The following CAPN8 variants were observed in gnomAD, a reference collection of about 807,000 sequenced individuals.
CAPN8 encodes the protein calpain 8, also known as calpain-8.
CAPN8 carries 87 observed loss-of-function variants against 80.9 expected under a neutral mutation model. The observed-to-expected ratio is 1.07, with a 90% CI of 0.90 to 1.28. The LOEUF is 1.28. CAPN8 is among the 50% of genes most tolerant of loss of function. The pLI is 0.00. For synonymous variants in CAPN8, 299 were observed against 273.8 expected, an observed-to-expected ratio of 1.09 and a Z score of -0.91; for missense variants, 757 against 702.0, an observed-to-expected ratio of 1.08 and a Z score of -0.89.
chr1:223,545,230 C>G lies in CAPN8; in HGVS notation c.1833+1G>C. Reference sequence around the variant, plus strand: ...GATGCCCAGAAGGAAAAGAGAGTTACCAGATACTTCTGAATCTTCAGCCAG... The same window carrying G: ...GATGCCCAGAAGGAAAAGAGAGTTAGCAGATACTTCTGAATCTTCAGCCAG... On this transcript the variant is annotated splice_donor_variant, in intron 17 of 20. Transcript: ENST00000366872. LOFTEE classifies it high-confidence loss of function. The G allele has an allele frequency of 4.5e-6, 7 of 1,551,654 alleles. No individual in the cohort carries two copies. The South Asian group carries it at 8.3e-5, about 18-fold the overall frequency.
At chr1:223,645,153 G>A (rs1001323033) in intron 2 of CAPN8, among the ~76,000 whole-genome samples, 1 of 152,112 alleles carries the variant, frequency 6.6e-6, no homozygotes, top group African/African-American at 2.4e-5. Context: ...TGAAGAACTT[G>A]GTGTCTGATG....
chr1:223,624,006 AAAAAAAG>A (rs1469557751), intron 6 of CAPN8, among the ~76,000 whole-genome samples: 2 of 150,568 alleles, frequency 1.3e-5, no homozygotes, highest in Admixed American at 6.6e-5. Context: ...CTGAAAAAAA[AAAAAAAG>A]AAAAAAGAAA....
At chr1:223,632,629 C>A (rs1256139625) in intron 2 of CAPN8, among the ~76,000 whole-genome samples, 1 of 152,212 alleles carries the variant, frequency 6.6e-6, no homozygotes, top group Non-Finnish European at 1.5e-5. Flanking sequence ...CTTGGCCTCT[C>A]TAAGTGCTGG....
chr1:223,620,286 A>G lies in CAPN8; in HGVS notation c.900-20T>C. ...GGTGCACTGAGGGGAAAACAAGCAG[A>G]GATGCTCGCTCCTGAGAGGTTCTAC... On this transcript the variant is annotated intron_variant, in intron 7 of 20. Coordinates refer to ENST00000366872, the MANE Select transcript of CAPN8 (RefSeq NM_001143962.2). The G allele has an allele frequency of 6.5e-7, 1 of 1,549,190 alleles. No individual in the cohort carries two copies. Among genetic ancestry groups the G allele is most frequent in the Non-Finnish European group, 8.7e-7 (1 of 1,144,782 alleles).
intron 1 of CAPN8, among the ~76,000 whole-genome samples, chr1:223,656,681 G>GTTT (rs1216588980): frequency 3.5e-5 from 3 of 85,032 alleles, no homozygotes; most frequent in Admixed American, 2.8e-4. Context: ...TTTTTGTTTT[G>GTTT]TTTTTTTTTT....
At chr1:223,663,036 T>C (rs1658691474) in intron 1 of CAPN8, among the ~76,000 whole-genome samples, 1 of 152,252 alleles carries the variant, frequency 6.6e-6, no homozygotes, top group East Asian at 1.9e-4. Context: ...GACACGCATT[T>C]ATTTACTCAA....
intron 15 of CAPN8, 136 bp from the exon 16 acceptor site, chr1:223,549,518 G>C (rs1656727164): frequency 6.7e-6 from 9 of 1,347,054 alleles, no homozygotes; most frequent in Non-Finnish European, 8.2e-6. Context: ...AAAGGGGAGA[G>C]CATCATGGCA....
rs79488899 is a variant in CAPN8, at chr1:223,664,549, G to A, written c.237+861C>T. 6.4e-3 allele frequency among the ~76,000 whole-genome samples: 976 copies of A among 152,238 alleles called. 40 individuals are homozygous for A. In the East Asian group the frequency reaches 0.1, roughly 16 times the overall value. ...AAAACTAAGGTTCACAGAGTTTACC[G>A]GCCCAAAACAACACAGGCAGAGCTA... On this transcript the variant is annotated intron_variant, in intron 1 of 20. Transcript: ENST00000366872.
chr1:223,609,708 C>T (rs1656985930), intron 11 of CAPN8, among the ~76,000 whole-genome samples: 1 of 152,224 alleles, frequency 6.6e-6, no homozygotes, highest in Non-Finnish European at 1.5e-5. Context: ...TTTCATTCTG[C>T]AGCTGTCTCT....
intron 10 of CAPN8, 157 bp downstream of exon 10, chr1:223,615,813 C>T (rs1572231875): frequency 4.6e-6 from 4 of 864,292 alleles, no homozygotes; most frequent in Non-Finnish European, 7.5e-6. Context: ...GAATTCAGGC[C>T]TCAGTAAGGC....
intron 2 of CAPN8, among the ~76,000 whole-genome samples, chr1:223,629,893 C>T (rs1657723482): frequency 6.6e-6 from 1 of 152,108 alleles, no homozygotes; most frequent in African/African-American, 2.4e-5. Flanking sequence ...TGCATCTTAG[C>T]CTTTATCTTT....
At chr1:223,631,877 A>C (rs2102717899) in intron 2 of CAPN8, among the ~76,000 whole-genome samples, 1 of 152,260 alleles carries the variant, frequency 6.6e-6, no homozygotes, top group South Asian at 2.1e-4. Flanking sequence ...GGCTTCTCAA[A>C]GAGATCAGAG....
In CAPN8 at chr1:223,665,584, G is replaced by A. The variant is rs1658765990; in HGVS notation, c.63C>T (p.Asn21=). 3.9e-6 allele frequency: 6 copies of A among 1,551,686 alleles called. No individual in the cohort carries two copies. In the East Asian group the frequency reaches 1.5e-4, roughly 38 times the overall value. The part of the protein sequence containing the change: ...QRAATQGLGS[N]QNALKYLGQD... ...GGCCCAAGTACTTCAAAGCGTTTTG[G>A]TTGGAGCCAAGACCTTGAGTGGCTG... Residue 21 remains asparagine, a synonymous_variant, in exon 1 of 21, where the codon AAC becomes AAT. Transcript: ENST00000366872.
At chr1:223,545,933 C>T (rs1324699571) in intron 16 of CAPN8, among the ~76,000 whole-genome samples, 7 of 147,586 alleles carry the variant, frequency 4.7e-5, no homozygotes, top group African/African-American at 1.5e-4. Flanking sequence ...AAGCAATTCT[C>T]CATGTCAGTC....
chr1:223,610,606 G>A (rs1033776670), intron 11 of CAPN8, among the ~76,000 whole-genome samples: 5 of 152,142 alleles, frequency 3.3e-5, no homozygotes, highest in African/African-American at 1.2e-4. Flanking sequence ...GGTTGGGAAG[G>A]GGGCAAACTG....
In CAPN8 at chr1:223,665,465, T is replaced by C. The variant is rs1571749424; in HGVS notation, c.182A>G (p.Lys61Arg). Reference sequence around the variant, plus strand: ...TTGCGGAGAGCCTGGTCCAAGATCCTTGTAGCCCAAAGCTGATGGACATGC... The same window carrying C: ...TTGCGGAGAGCCTGGTCCAAGATCCCTGTAGCCCAAAGCTGATGGACATGC... The part of the protein sequence containing the change: ...FPACPSALGY[K>R]DLGPGSPQTQ... Residue 61 changes from lysine to arginine, a missense_variant, in exon 1 of 21, where the codon AAG becomes AGG. Transcript: ENST00000366872. The C allele has an allele frequency of 1.3e-6, 2 of 1,552,140 alleles. No homozygotes were observed. Among genetic ancestry groups the C allele is most frequent in the Non-Finnish European group, 1.7e-6 (2 of 1,147,096 alleles).
chr1:223,638,702 A>G (rs1334316120), intron 2 of CAPN8, among the ~76,000 whole-genome samples: 1 of 152,060 alleles, frequency 6.6e-6, no homozygotes, highest in Non-Finnish European at 1.5e-5. Flanking sequence ...CCCTCAAACA[A>G]ACAACATAGA....
At chr1:223,637,283 C>T (rs992181173) in intron 2 of CAPN8, among the ~76,000 whole-genome samples, 8 of 152,180 alleles carry the variant, frequency 5.3e-5, no homozygotes, top group African/African-American at 1.9e-4. Context: ...TCCTGCAGCC[C>T]TAGCACTATC....
intron 1 of CAPN8, among the ~76,000 whole-genome samples, chr1:223,661,727 G>A (rs529093189): frequency 5.9e-5 from 9 of 152,270 alleles, no homozygotes; most frequent in African/African-American, 2.2e-4. Flanking sequence ...ATGCAAAATG[G>A]TGCAACCACT....
Sources: gnomAD v4.1 joint callset for allele counts (sites outside exome capture counted in the v4.1 genomes callset) on GRCh38, gnomAD v4.1.1 for gene constraint, MANE v1.5 for transcripts, NCBI Gene and HGNC (gene_info 2026-07-23, HGNC 2026-07-21) for gene names.